The following GNAL variants were observed in gnomAD, a reference collection of about 807,000 sequenced individuals.
The protein encoded by GNAL is G protein subunit alpha L, also known as guanine nucleotide-binding protein G(olf) subunit alpha.
A neutral mutation model predicts 55.1 loss-of-function variants in GNAL; 18 were observed. The observed-to-expected ratio is 0.33, with a 90% CI of 0.23 to 0.48. The LOEUF (loss-of-function observed/expected upper bound fraction) is 0.48, where lower values mean the gene tolerates loss of function less well. Among genes scored for constraint, GNAL ranks in the 20% least tolerant of loss-of-function variants. The probability of loss-of-function intolerance (pLI) is 0.99; values close to 1 mark genes in which losing one functional copy is unlikely to be tolerated. For missense variants in GNAL, 412 were observed against 614.1 expected (o/e 0.67, Z 3.48); for synonymous variants, 253 against 237.0 (o/e 1.07, Z -0.62).
chr18:11,703,680 G>A (rs2031633499), intron 1 of GNAL, among the ~76,000 whole-genome samples: 1 of 152,128 alleles, frequency 6.6e-6, no homozygotes, highest in Non-Finnish European at 1.5e-5. Context: ...TTAACTTTCA[G>A]ATCCATTTCC....
At chr18:11,877,954 A>G (rs1184082802) in intron 11 of GNAL, among the ~76,000 whole-genome samples, 2 of 152,234 alleles carry the variant, frequency 1.3e-5, no homozygotes, top group Admixed American at 6.5e-5. Flanking sequence ...TATGTTAAAT[A>G]CAGCAAGAGA....
At chr18:11,801,664 A>G (rs2034526389) in intron 4 of GNAL, among the ~76,000 whole-genome samples, 1 of 152,136 alleles carries the variant, frequency 6.6e-6, no homozygotes, top group African/African-American at 2.4e-5. Context: ...AGAGGTGCGG[A>G]TGGTTGGAAT....
In GNAL at chr18:11,753,900, C is replaced by T. The variant is rs770258090; in HGVS notation, c.579C>T (p.Asp193=). 14 of 1,608,818 alleles carry T rather than the reference C, an allele frequency of 8.7e-6. No individual in the cohort carries two copies. Among genetic ancestry groups the T allele is most frequent in the African/African-American group, 4.0e-5 (3 of 74,816 alleles). ...LANPENQFRS[D]YIKSIAPITD... ...ACCCTGAAAACCAATTTCGATCAGA[C>T]TACATCAAGAGCATAGCCCCTATCA... is the stretch of plus-strand genomic sequence containing the variant. Residue 193 remains aspartate, a synonymous_variant, in exon 4 of 12, where the codon GAC becomes GAT. Transcript: ENST00000334049.
intron 4 of GNAL, among the ~76,000 whole-genome samples, chr18:11,793,277 A>G (rs2034285998): frequency 6.6e-6 from 1 of 152,256 alleles, no homozygotes; most frequent in Non-Finnish European, 1.5e-5. Context: ...AGTAACCAGA[A>G]TATATAAAGA....
intron 5 of GNAL, among the ~76,000 whole-genome samples, chr18:11,859,342 A>G (rs1472333302): frequency 6.6e-6 from 1 of 152,136 alleles, no homozygotes; most frequent in South Asian, 2.1e-4. Context: ...AACTTCTCCT[A>G]CCTTCTCATG....
At chr18:11,718,492 A>G (rs540062931) in intron 1 of GNAL, among the ~76,000 whole-genome samples, 152 of 152,298 alleles carry the variant, frequency 1.0e-3, no homozygotes, top group African/African-American at 3.6e-3. Flanking sequence ...AAATATGACT[A>G]TAAGTTATTT....
At position 11,868,702 on chromosome 18, in the gene GNAL, C is replaced by G. The variant is rs1305405240; in HGVS notation, c.1031+39C>G. 2 of 1,571,154 alleles carry G rather than the reference C, an allele frequency of 1.3e-6. No homozygotes were observed. Among genetic ancestry groups the G allele is most frequent in the African/African-American group, 2.7e-5 (2 of 73,018 alleles). On this transcript the variant is annotated intron_variant, in intron 9 of 11. Transcript: ENST00000334049. The surrounding 1 kb of genome is among the most constrained non-coding windows in gnomAD (Gnocchi z 4.0). ...CAAATTCAGTCTTACCATTGGATTG[C>G]AAATTTTCTTTTGTTAAAAATACGC...
At chr18:11,790,798 A>G (rs1568028626) in intron 4 of GNAL, among the ~76,000 whole-genome samples, 1 of 151,130 alleles carries the variant, frequency 6.6e-6, no homozygotes, top group Admixed American at 6.6e-5. Context: ...CTGGAACTAC[A>G]GGTGCCCGCC....
intron 1 of GNAL, among the ~76,000 whole-genome samples, chr18:11,703,261 T>C (rs1341268848): frequency 6.6e-6 from 1 of 152,258 alleles, no homozygotes; most frequent in Non-Finnish European, 1.5e-5. Flanking sequence ...AACAGAACGC[T>C]CCGCACGTTG....
chr18:11,869,222 C>T lies in GNAL; in HGVS notation c.1031+559C>T, dbSNP rs529418770. Among the ~76,000 whole-genome samples, 12 of 152,156 alleles carry T rather than the reference C, an allele frequency of 7.9e-5. No individual in the cohort carries two copies. The South Asian group carries it at 1.2e-3, about 16-fold the overall frequency. ...GCAGTGGCGCCATCTCGGCCCACTG[C>T]AAGCTCCACCTCCCGGGTTCATGCC... On this transcript the variant is annotated intron_variant, in intron 9 of 11. Coordinates refer to ENST00000334049, the MANE Select transcript of GNAL (RefSeq NM_182978.4).
At chr18:11,759,337 T>G (rs1425005168) in intron 4 of GNAL, among the ~76,000 whole-genome samples, 1 of 152,260 alleles carries the variant, frequency 6.6e-6, no homozygotes, top group East Asian at 1.9e-4. Context: ...TTAGCTCTTT[T>G]CAAATTGTAT....
Position 11,769,131 on chromosome 18 carries a change from A to C in GNAL, c.624+15186A>C, listed in dbSNP as rs986788926. Among the ~76,000 whole-genome samples, 32 of 98,536 alleles carry C rather than the reference A, an allele frequency of 3.2e-4. 1 individual carries two copies. The highest frequency in any genetic ancestry group is 4.2e-4 in the Non-Finnish European group (24 of 57,032). The allele number at this position is 98,536 out of a possible 152,430, so 64.6% of individuals were successfully genotyped here. A position where few individuals can be genotyped will look rare whatever the true frequency, so the allele number is the denominator to read the frequency against. ...ATAGATTATATAAATTATATGTAAT[A>C]TATATTATAATATAGATTATATAAA... On this transcript the variant is annotated intron_variant, in intron 4 of 11. Coordinates refer to ENST00000334049, the MANE Select transcript of GNAL (RefSeq NM_182978.4).
intron 4 of GNAL, among the ~76,000 whole-genome samples, chr18:11,756,493 C>T (rs986255791): frequency 2.0e-5 from 3 of 151,676 alleles, no homozygotes; most frequent in Non-Finnish European, 2.9e-5. Flanking sequence ...AATGTCTATG[C>T]ACATGTCAAA....
chr18:11,705,799 A>C (rs1429541775), intron 1 of GNAL, among the ~76,000 whole-genome samples: 1 of 133,158 alleles, frequency 7.5e-6, no homozygotes, highest in Non-Finnish European at 1.5e-5. Context: ...TCTGTCACCC[A>C]GGCTGGATTG....
At chr18:11,786,449 T>TC (rs2034062632) in intron 4 of GNAL, among the ~76,000 whole-genome samples, 1 of 117,354 alleles carries the variant, frequency 8.5e-6, no homozygotes, top group Non-Finnish European at 1.8e-5. Flanking sequence ...TTTTTTTTTT[T>TC]TTTTTTTTTT....
rs776938690 is a variant in GNAL at position 11,881,114 on chromosome 18, C to T, written c.1356C>T (p.Leu452=). The T allele has an allele frequency of 6.2e-7, 1 of 1,611,156 alleles. No homozygotes were observed. Among genetic ancestry groups the T allele is most frequent in the African/African-American group, 1.3e-5 (1 of 74,850 alleles). The change falls in exon 12 of 12, where the codon CTC becomes CTT. Residue 452 remains leucine, a synonymous_variant. Coordinates refer to ENST00000334049, the MANE Select transcript of GNAL (RefSeq NM_182978.4). The surrounding 1 kb of genome is among the most constrained non-coding windows in gnomAD (Gnocchi z 4.8). ...DCRDIIQRMH[L]KQYELL is the part of the protein sequence containing the mutation. ...GCGACATCATCCAGCGGATGCACCT[C>T]AAGCAGTATGAGCTCTTGTGAGGAT... is the stretch of plus-strand genomic sequence containing the variant.
intron 4 of GNAL, among the ~76,000 whole-genome samples, chr18:11,771,398 T>G (rs2033631403): frequency 6.6e-6 from 1 of 151,488 alleles, no homozygotes; most frequent in Non-Finnish European, 1.5e-5. Flanking sequence ...ATTATCAGTT[T>G]TATATGAACA....
At position 11,749,680 on chromosome 18, in the gene GNAL, G is replaced by A. The variant is rs150283189; in HGVS notation, c.377-3173G>A. On this transcript the variant is annotated intron_variant, in intron 1 of 11. Coordinates refer to ENST00000334049, the MANE Select transcript of GNAL (RefSeq NM_182978.4). The stretch of plus-strand genomic sequence containing the variant: ...CAATGCAAGGTGATGGGTGAGACCA[G>A]CGGAGAATCTGGTGCTCCCTTAGGG... 3.7e-3 allele frequency among the ~76,000 whole-genome samples: 560 copies of A among 152,330 alleles called. 1 individual carries two copies. The highest frequency in any genetic ancestry group is 5.2e-3 in the Non-Finnish European group (352 of 68,032).
chr18:11,700,242 G>A (rs898677827), intron 1 of GNAL, among the ~76,000 whole-genome samples: 4 of 152,278 alleles, frequency 2.6e-5, no homozygotes, highest in South Asian at 2.1e-4. Flanking sequence ...GAAAGATAGC[G>A]GCCCATTATT....
Sources: gnomAD v4.1 joint callset for allele counts (sites outside exome capture counted in the v4.1 genomes callset) on GRCh38, gnomAD v4.1.1 for gene constraint, Gnocchi (gnomAD v3.1) non-coding constraint, MANE v1.5 for transcripts, NCBI Gene and HGNC (gene_info 2026-07-23, HGNC 2026-07-21) for gene names.